FNIP1: variants seen among roughly 807,000 people sequenced by gnomAD.
FNIP1 encodes the protein folliculin interacting protein 1.
In FNIP1, 40 loss-of-function variants were observed where a neutral mutation model predicts 124.5. The observed-to-expected ratio is 0.32, with a 90% CI of 0.25 to 0.42. FNIP1 has a LOEUF of 0.42. Among genes scored for constraint, FNIP1 ranks in the 10% least tolerant of loss-of-function variants. The pLI is 1.00. For missense variants in FNIP1, 1,176 were observed against 1,403.7 expected, an observed-to-expected ratio of 0.84 and a Z score of 2.59; for synonymous variants, 472 against 470.6, an observed-to-expected ratio of 1.00 and a Z score of -0.04.
chr5:131,783,612 T>C (rs1772069203), intron 1 of FNIP1, among the ~76,000 whole-genome samples: 1 of 151,742 alleles, frequency 6.6e-6, no homozygotes. Context: ...TATCAGCAAA[T>C]GAATTAAAAA....
At chr5:131,678,387 C>T (rs1767971604) in intron 12 of FNIP1, among the ~76,000 whole-genome samples, 1 of 152,038 alleles carries the variant, frequency 6.6e-6, no homozygotes, top group Non-Finnish European at 1.5e-5. Flanking sequence ...TCATTAGAAT[C>T]CTACCATTTC....
intron 1 of FNIP1, among the ~76,000 whole-genome samples, chr5:131,763,608 C>T (rs1771315136): frequency 6.6e-6 from 1 of 151,952 alleles, no homozygotes; most frequent in Non-Finnish European, 1.5e-5. Context: ...TTTTAGGTCT[C>T]ATGAGAACTC....
intron 3 of FNIP1, among the ~76,000 whole-genome samples, chr5:131,726,946 T>A (rs550584672): frequency 1.3e-5 from 2 of 152,220 alleles, no homozygotes; most frequent in African/African-American, 4.8e-5. Context: ...AGTTTCTAAG[T>A]AGTTGTGTAG....
chr5:131,682,244 A>G (rs909560763), intron 11 of FNIP1, among the ~76,000 whole-genome samples: 3 of 152,248 alleles, frequency 2.0e-5, no homozygotes, highest in Non-Finnish European at 4.4e-5. Flanking sequence ...GAGCCAGATC[A>G]CAAACACTGG....
At chr5:131,751,884 T>C (rs1055003922) in intron 1 of FNIP1, among the ~76,000 whole-genome samples, 3 of 152,142 alleles carry the variant, frequency 2.0e-5, no homozygotes, top group Non-Finnish European at 4.4e-5. Context: ...GTGGTGATGG[T>C]CACCAAAAAA....
intron 8 of FNIP1, among the ~76,000 whole-genome samples, chr5:131,707,861 C>A (rs1404289792): frequency 1.3e-5 from 2 of 152,044 alleles, no homozygotes; most frequent in Non-Finnish European, 2.9e-5. Flanking sequence ...CTTCAACTTA[C>A]AAAGAATGTA....
chr5:131,710,328 A>G (rs1461306553), intron 7 of FNIP1, among the ~76,000 whole-genome samples: 1 of 152,238 alleles, frequency 6.6e-6, no homozygotes, highest in East Asian at 1.9e-4. Flanking sequence ...AGTTAAAATC[A>G]TTATGCCACA....
chr5:131,789,614 A>G (rs993172735), intron 1 of FNIP1, among the ~76,000 whole-genome samples: 1 of 152,196 alleles, frequency 6.6e-6, no homozygotes, highest in Non-Finnish European at 1.5e-5. Flanking sequence ...CATCAAGGTC[A>G]CCAATTTCCT....
chr5:131,711,031 TAAA>T (rs1033393198), intron 6 of FNIP1, among the ~76,000 whole-genome samples: 2 of 152,184 alleles, frequency 1.3e-5, no homozygotes, highest in African/African-American at 4.8e-5. Context: ...ATTTGCCAAA[TAAA>T]TTCATTTTTT....
At chr5:131,716,724 C>A (rs767438274) in intron 5 of FNIP1, 68 bp from the exon 6 acceptor site, 1 of 940,062 alleles carries the variant, frequency 1.1e-6, no homozygotes, top group Non-Finnish European at 1.6e-6. Context: ...CTTTGTACAT[C>A]CTGATGAAAT....
chr5:131,679,307 C>A, intron 11 of FNIP1, 132 bp from the exon 12 acceptor site: 1 of 624,168 alleles, frequency 1.6e-6, no homozygotes, highest in South Asian at 2.0e-5. Context: ...AGACAATGGA[C>A]CAAGTCCTTC....
chr5:131,661,045 C>T (rs1767415732), intron 15 of FNIP1, among the ~76,000 whole-genome samples: 2 of 152,128 alleles, frequency 1.3e-5, no homozygotes, highest in African/African-American at 4.8e-5. Context: ...CTAAGTTTGG[C>T]CCCTTTGGCG....
At chr5:131,748,309 G>A (rs1770750869) in intron 1 of FNIP1, among the ~76,000 whole-genome samples, 2 of 152,086 alleles carry the variant, frequency 1.3e-5, no homozygotes. Flanking sequence ...ACATGTCTGT[G>A]GTGATGCTCA....
chr5:131,734,822 A>T (rs1224354317), intron 2 of FNIP1, among the ~76,000 whole-genome samples: 2 of 152,230 alleles, frequency 1.3e-5, no homozygotes, highest in Non-Finnish European at 2.9e-5. Context: ...AGGGCTGGAG[A>T]GGATGTGGAG....
chr5:131,672,382 G>T lies in FNIP1; in HGVS notation c.2062C>A (p.Pro688Thr). 1 of 1,614,134 alleles carries T rather than the reference G, an allele frequency of 6.2e-7. No individual in the cohort carries two copies. Among genetic ancestry groups the T allele is most frequent in the African/African-American group, 1.3e-5 (1 of 75,036 alleles). Residue 688 changes from proline to threonine, a missense_variant, in exon 14 of 18, where the codon CCA becomes ACA. Transcript: ENST00000510461. Reference sequence around the variant, plus strand: ...TCTGACAATGCACATTTGTCTACTGGAACAGATCCTGTGCAAACAACTGTC... The same window carrying T: ...TCTGACAATGCACATTTGTCTACTGTAACAGATCCTGTGCAAACAACTGTC... Reference protein sequence around the residue: ...LETVVCTGSVPVDKCALSESG... With the variant: ...LETVVCTGSVTVDKCALSESG...
intron 1 of FNIP1, among the ~76,000 whole-genome samples, chr5:131,756,892 C>T (rs1380073287): frequency 6.6e-6 from 1 of 152,166 alleles, no homozygotes; most frequent in East Asian, 1.9e-4. Flanking sequence ...GGGGGCCCAG[C>T]TGAGTGGAAA....
intron 15 of FNIP1, among the ~76,000 whole-genome samples, chr5:131,660,752 G>A (rs1288460788): frequency 6.6e-6 from 1 of 152,142 alleles, no homozygotes; most frequent in Admixed American, 6.5e-5. Context: ...ACAAATTTGG[G>A]GGCTCATCTG....
At chr5:131,725,729 C>G (rs535621982) in intron 3 of FNIP1, among the ~76,000 whole-genome samples, 1 of 152,138 alleles carries the variant, frequency 6.6e-6, no homozygotes, top group Non-Finnish European at 1.5e-5. Flanking sequence ...ACTTCCAATA[C>G]TATGTTGAAT....
At chr5:131,733,465 C>T (rs1185198360) in intron 2 of FNIP1, among the ~76,000 whole-genome samples, 1 of 152,072 alleles carries the variant, frequency 6.6e-6, no homozygotes, top group Admixed American at 6.6e-5. Context: ...GGCTGTGGGT[C>T]TGTCATATAT....
Sources: allele counts gnomAD v4.1 joint callset (sites outside exome capture counted in the v4.1 genomes callset), GRCh38; gene constraint gnomAD v4.1.1; transcripts MANE v1.5; gene names NCBI Gene and HGNC (gene_info 2026-07-23, HGNC 2026-07-21).